SLC17A9: variants seen among roughly 807,000 people sequenced by gnomAD.
SLC17A9 encodes the protein voltage-gated purine nucleotide uniporter SLC17A9.
A neutral mutation model predicts 55.0 loss-of-function variants in SLC17A9; 49 were observed. That is an observed-to-expected ratio of 0.89 (90% CI 0.71 to 1.13). The LOEUF is 1.13. Among genes scored for constraint, SLC17A9 ranks in the 50% most tolerant of loss-of-function variants. The probability of loss-of-function intolerance (pLI) is 0.00; values close to 1 mark genes in which losing one functional copy is unlikely to be tolerated. For synonymous variants in SLC17A9, 256 were observed against 247.4 expected (o/e 1.03, Z -0.32); for missense variants, 526 against 569.3 (o/e 0.92, Z 0.77).
rs1443758799 is a variant in SLC17A9, at chr20:62,967,189, A to C, written c.1148-148A>C. 5.5e-6 allele frequency: 5 copies of C among 911,198 alleles called. 1 individual carries two copies. The East Asian group carries it at 1.2e-4, about 22-fold the overall frequency. The allele number at this position is 911,198 out of a possible 1,614,324, so 56.4% of individuals were successfully genotyped here. Reference sequence around the variant, plus strand: ...AGTCTGAGCCTGACCCACAGCTGGGACACTGAATTCAGCCCTGGGAACCAT... The same window carrying C: ...AGTCTGAGCCTGACCCACAGCTGGGCCACTGAATTCAGCCCTGGGAACCAT... On this transcript the variant is annotated intron_variant, in intron 12 of 12. Transcript: ENST00000370351.
In SLC17A9 at chr20:62,969,264, G is replaced by A. The variant is rs892217721; in HGVS notation, c.*1764G>A. ...CCATTTTAGCCATTTTTAAGTGCAC[G>A]GTTCTGTGGCATTAGGTACATTCGC... On this transcript the variant is annotated 3_prime_UTR_variant, in exon 13 of 13. Transcript: ENST00000370351. 6.6e-6 allele frequency: 1 copy of A among 152,172 alleles called. No individual in the cohort carries two copies. Among genetic ancestry groups the A allele is most frequent in the Non-Finnish European group, 1.5e-5 (1 of 68,038 alleles). The allele number at this position is 152,172 out of a possible 1,614,324, so 9.4% of individuals were successfully genotyped here.
chr20:62,957,448 G>A lies in SLC17A9; in HGVS notation c.265G>A (p.Gly89Ser), dbSNP rs750330016. Residue 89 changes from glycine (G) to serine (S), a missense_variant, in exon 3 of 13, where the codon GGT becomes AGT. Transcript: ENST00000370351. The part of the protein sequence containing the change: ...VGGHLGDRIG[G>S]EKVILLSASA... ...CCTCTGTCTTCCCTCCAGGATTGGGGGTGAGAAGGTCATCCTGCTGTCAGC... is the reference window on the plus strand; with the variant it reads ...CCTCTGTCTTCCCTCCAGGATTGGGAGTGAGAAGGTCATCCTGCTGTCAGC... The A allele has an allele frequency of 2.5e-6, 4 of 1,586,644 alleles. No individual in the cohort carries two copies. The highest frequency in any genetic ancestry group is 3.6e-5 in the Admixed American group (2 of 55,790).
chr20:62,964,372 C>G, intron 8 of SLC17A9, 57 bp downstream of exon 8: 2 of 1,562,118 alleles, frequency 1.3e-6, no homozygotes, highest in Non-Finnish European at 1.8e-6. Context: ...ACCTCGCTTT[C>G]GAGGGGCAGG....
In SLC17A9 at chr20:62,964,310, A is replaced by G. The variant is rs745780063; in HGVS notation, c.905A>G (p.Asn302Ser). 1.2e-6 allele frequency: 2 copies of G among 1,614,084 alleles called. No homozygotes were observed. The highest frequency in any genetic ancestry group is 1.7e-6 in the Non-Finnish European group (2 of 1,179,942). Residue 302 changes from asparagine (N) to serine (S), a missense_variant, in exon 8 of 13, where the codon AAT becomes AGT. Transcript: ENST00000370351. ...FSGFLSDHLI[N>S]QGYRAITVRK... ...GGGTTTCTCTCTGATCATCTCATCA[A>G]TCAGGGTGAGCCCCAGGGAGGGGAC... is the stretch of plus-strand genomic sequence containing the variant.
intron 3 of SLC17A9, among the ~76,000 whole-genome samples, chr20:62,959,755 G>T (rs930201367): frequency 6.6e-6 from 1 of 152,256 alleles, no homozygotes; most frequent in Non-Finnish European, 1.5e-5. Flanking sequence ...CCGTCTGTTT[G>T]ACGATGCCCC....
Position 62,962,881 on chromosome 20 carries a change from C to T in SLC17A9, c.628+127C>T, listed in dbSNP as rs1243748287. The T allele has an allele frequency of 1.1e-5, 16 of 1,393,388 alleles. No homozygotes were observed. The highest frequency in any genetic ancestry group is 2.3e-4 in the Middle Eastern group (1 of 4,308). 86.3% of individuals were successfully genotyped at this position (1,393,388 alleles called of 1,614,324 possible). A position where few individuals can be genotyped will look rare whatever the true frequency, so the allele number is the denominator to read the frequency against. ...GATGGCTTTGACCTCCCAAAGAATC[C>T]GCCAGTGAGGAAAAGCGCTCGGGTG... On this transcript the variant is annotated intron_variant, in intron 5 of 12. Coordinates refer to ENST00000370351, the MANE Select transcript of SLC17A9 (RefSeq NM_022082.4). This position sits in a 1 kb window ranked among gnomAD's most constrained non-coding sequence, Gnocchi z 5.5.
intron 11 of SLC17A9, 35 bp downstream of exon 11, chr20:62,966,615 C>T (rs2147662038): frequency 6.2e-7 from 1 of 1,613,932 alleles, no homozygotes; most frequent in Admixed American, 1.7e-5. Flanking sequence ...TTTGCCCCTC[C>T]CTGGGCCTCC....
intron 3 of SLC17A9, among the ~76,000 whole-genome samples, chr20:62,959,691 G>C (rs2065572732): frequency 6.6e-6 from 1 of 152,256 alleles, no homozygotes; most frequent in African/African-American, 2.4e-5. Context: ...ATGAGTGAGC[G>C]CTCTGCGGTT....
intron 3 of SLC17A9, among the ~76,000 whole-genome samples, chr20:62,960,064 G>C (rs1286985579): frequency 6.6e-6 from 1 of 152,256 alleles, no homozygotes; most frequent in Non-Finnish European, 1.5e-5. Flanking sequence ...GTCTGTGCAC[G>C]CAGGTGTGCA....
intron 1 of SLC17A9, among the ~76,000 whole-genome samples, chr20:62,955,663 G>T (rs2065530924): frequency 6.6e-6 from 1 of 152,180 alleles, no homozygotes; most frequent in South Asian, 2.1e-4. Context: ...TTAGTGGAAA[G>T]TTAAGGGTGG....
chr20:62,952,869 C>T lies in SLC17A9; in HGVS notation c.39C>T (p.Ala13=), dbSNP rs372635456. Residue 13 remains alanine (A), a synonymous_variant, in exon 1 of 13, where the codon GCC becomes GCT. Transcript: ENST00000370351. The part of the protein sequence containing the change: ...PPPDEARRDM[A]GDTQWSRPEC... ...CAGACGAGGCCCGCAGGGACATGGC[C>T]GGGGACACCCAGTGGTCCAGGTGTG... The T allele has an allele frequency of 6.9e-6, 8 of 1,157,284 alleles. No homozygotes were observed. The highest frequency in any genetic ancestry group is 6.6e-5 in the Admixed American group (2 of 30,104). The allele number at this position is 1,157,284 out of a possible 1,614,324, so 71.7% of individuals were successfully genotyped here.
intron 5 of SLC17A9, chr20:62,963,001 A>C: frequency 1.5e-6 from 1 of 654,392 alleles, no homozygotes; most frequent in Non-Finnish European, 2.6e-6. Context: ...GCACAGGTCA[A>C]GGCAGGGTGC....
intron 1 of SLC17A9, among the ~76,000 whole-genome samples, chr20:62,953,510 C>T (rs1033281339): frequency 2.0e-5 from 3 of 152,208 alleles, no homozygotes; most frequent in African/African-American, 7.2e-5. Context: ...GGCCATTGGT[C>T]AGCTGGGGAG....
At chr20:62,965,479 G>A (rs761445644) in intron 9 of SLC17A9, 131 bp from the exon 10 acceptor site, 30 of 843,914 alleles carry the variant, frequency 3.6e-5, no homozygotes, top group Non-Finnish European at 5.4e-5. Flanking sequence ...TGGTCTGAGA[G>A]AAGTTTGTGG....
intron 5 of SLC17A9, 82 bp from the exon 6 acceptor site, chr20:62,963,191 C>A: frequency 6.9e-7 from 1 of 1,456,278 alleles, no homozygotes; most frequent in Non-Finnish European, 9.4e-7. Flanking sequence ...CCTCTGGAAC[C>A]ACCCCCAAAT....
At chr20:62,957,819 A>ATC (rs1568912416) in intron 3 of SLC17A9, among the ~76,000 whole-genome samples, 2 of 110,166 alleles carry the variant, frequency 1.8e-5, no homozygotes, top group African/African-American at 3.5e-5. Context: ...GTGTGTGTGT[A>ATC]TGGGCATGCC....
chr20:62,957,660 C>T (rs1203479680), intron 3 of SLC17A9, 80 bp downstream of exon 3: 3 of 1,264,394 alleles, frequency 2.4e-6, no homozygotes, highest in Middle Eastern at 2.9e-4. Context: ...GATGTGTGTG[C>T]AGGTGCATGC....
At chr20:62,964,112 C>CAA in intron 7 of SLC17A9, 116 bp from the exon 8 acceptor site, 1 of 1,027,604 alleles carries the variant, frequency 9.7e-7, no homozygotes, top group Non-Finnish European at 1.5e-6. Context: ...GCTGGCCCTG[C>CAA]CGGAGAGCTT....
chr20:62,963,530 G>A (rs1386162460), intron 6 of SLC17A9, 54 bp from the exon 7 acceptor site: 5 of 1,552,538 alleles, frequency 3.2e-6, no homozygotes, highest in Non-Finnish European at 2.6e-6. Flanking sequence ...GGGTCCCACA[G>A]GCCCGGCCAG....
Sources: gnomAD v4.1 joint callset for allele counts (sites outside exome capture counted in the v4.1 genomes callset) on GRCh38, gnomAD v4.1.1 for gene constraint, Gnocchi (gnomAD v3.1) non-coding constraint, MANE v1.5 for transcripts, NCBI Gene and HGNC (gene_info 2026-07-23, HGNC 2026-07-21) for gene names.